Variants in FLYWCH2 observed in about 807,000 individuals in gnomAD.
FLYWCH2 encodes the protein FLYWCH family member 2.
FLYWCH2 carries 2 observed loss-of-function variants against 6.0 expected under a neutral mutation model. That is an observed-to-expected ratio of 0.33 (90% CI 0.14 to 1.04). The LOEUF is 1.04. Ranked by LOEUF, FLYWCH2 falls within the 50% of genes least tolerant of loss-of-function variation. The probability of loss-of-function intolerance (pLI) is 0.45; values close to 1 mark genes in which losing one functional copy is unlikely to be tolerated. For missense variants in FLYWCH2, 192 were observed against 183.4 expected (o/e 1.05, Z -0.27); for synonymous variants, 87 against 79.3 (o/e 1.10, Z -0.52).
At chr16:2,883,661 C>T (rs1195001578) in intron 1 of FLYWCH2, among the ~76,000 whole-genome samples, 1 of 152,256 alleles carries the variant, frequency 6.6e-6, no homozygotes, top group East Asian at 1.9e-4. Flanking sequence ...TTCCCGGCAC[C>T]CCCCAACCCC....
intron 1 of FLYWCH2, among the ~76,000 whole-genome samples, chr16:2,883,753 G>A (rs1263981071): frequency 6.6e-6 from 1 of 152,252 alleles, no homozygotes; most frequent in Non-Finnish European, 1.5e-5. Context: ...ACTGGGGCGG[G>A]GGAGACACTC....
chr16:2,891,652 G>T (rs554059881), intron 1 of FLYWCH2, among the ~76,000 whole-genome samples: 8 of 152,052 alleles, frequency 5.3e-5, no homozygotes, highest in East Asian at 2.0e-4. Flanking sequence ...TGATCCACCC[G>T]CCTTGCCTCC....
chr16:2,898,954 T>C, intron 3 of FLYWCH2, 95 bp from the exon 4 acceptor site: 1 of 903,824 alleles, frequency 1.1e-6, no homozygotes. Flanking sequence ...CATCCACTGG[T>C]TGGGGTGAGA....
chr16:2,889,794 A>G (rs943160191), intron 1 of FLYWCH2, among the ~76,000 whole-genome samples: 4 of 152,176 alleles, frequency 2.6e-5, no homozygotes, highest in African/African-American at 9.7e-5. Context: ...TTGTTGGTAC[A>G]AGACTACAGA....
At chr16:2,886,490 G>T (rs1191893628) in intron 1 of FLYWCH2, among the ~76,000 whole-genome samples, 1 of 146,998 alleles carries the variant, frequency 6.8e-6, no homozygotes, top group Non-Finnish European at 1.5e-5. Flanking sequence ...TTACAGGCAT[G>T]AGCCACCACG....
intron 3 of FLYWCH2, among the ~76,000 whole-genome samples, chr16:2,897,372 A>G (rs1356655675): frequency 6.6e-6 from 1 of 152,142 alleles, no homozygotes; most frequent in East Asian, 1.9e-4. Flanking sequence ...GATACAGCTC[A>G]GGGCTCACAG....
intron 1 of FLYWCH2, among the ~76,000 whole-genome samples, chr16:2,890,009 C>A (rs1042056683): frequency 1.3e-5 from 2 of 152,062 alleles, no homozygotes; most frequent in Non-Finnish European, 2.9e-5. Context: ...CACTTTGAGC[C>A]CATGAGTGTG....
intron 1 of FLYWCH2, among the ~76,000 whole-genome samples, chr16:2,892,988 C>T (rs1763977939): frequency 7.9e-6 from 1 of 126,594 alleles, no homozygotes; most frequent in Non-Finnish European, 1.7e-5. Context: ...TTATATATGT[C>T]ACATATATAC....
rs538392870 is a variant in FLYWCH2 at position 2,896,975 on chromosome 16, C to T, written c.322+204C>T. The T allele has an allele frequency of 2.6e-5, 16 of 608,876 alleles. No homozygotes were observed. The East Asian group carries it at 4.2e-4, about 16-fold the overall frequency. The allele number at this position is 608,876 out of a possible 1,614,324, so 37.7% of individuals were successfully genotyped here. On this transcript the variant is annotated intron_variant, in intron 3 of 3. Coordinates refer to ENST00000396958, the MANE Select transcript of FLYWCH2 (RefSeq NM_138439.3). ...CCAACCCTGCCTCTGAGCGGCCTTG[C>T]CTCTCTGTGTCTGTTCCCCACTCTG... is the stretch of plus-strand genomic sequence containing the variant.
intron 1 of FLYWCH2, among the ~76,000 whole-genome samples, chr16:2,890,220 T>G: frequency 9.5e-6 from 1 of 105,148 alleles, no homozygotes; most frequent in Non-Finnish European, 2.1e-5. Context: ...GTGTGTTTTT[T>G]TGTTTTTGTT....
intron 1 of FLYWCH2, among the ~76,000 whole-genome samples, chr16:2,886,850 T>C (rs1306386239): frequency 6.6e-6 from 1 of 152,106 alleles, no homozygotes; most frequent in African/African-American, 2.4e-5. Context: ...GTTTGTTTGC[T>C]TGTTTATTAC....
intron 1 of FLYWCH2, among the ~76,000 whole-genome samples, chr16:2,891,447 C>G (rs1398636026): frequency 2.0e-5 from 3 of 152,092 alleles, no homozygotes; most frequent in African/African-American, 7.2e-5. Flanking sequence ...CCCTATCGCC[C>G]AGGCTGGAGT....
rs1009477570 is a variant in FLYWCH2 at position 2,891,379 on chromosome 16, TTCTC to T, written c.-199-3831_-199-3828del. Among the ~76,000 whole-genome samples, 39 of 151,402 alleles carry T rather than the reference TTCTC, an allele frequency of 2.6e-4. No individual in the cohort carries two copies. The East Asian group carries it at 2.7e-3, about 11-fold the overall frequency. ...AGGCAGGAGGACCAGAGTGGCAGGG[TTCTC>T]TCTCTCTCTATTTTATTTTTATTTT... is the stretch of plus-strand genomic sequence containing the variant. On this transcript the variant is annotated intron_variant, in intron 1 of 3. Coordinates refer to ENST00000396958, the MANE Select transcript of FLYWCH2 (RefSeq NM_138439.3).
chr16:2,899,016 G>A, intron 3 of FLYWCH2, 33 bp from the exon 4 acceptor site: 2 of 1,575,724 alleles, frequency 1.3e-6, no homozygotes, highest in African/African-American at 1.4e-5. Flanking sequence ...CATCTCCATT[G>A]ACACCAGCCT....
chr16:2,892,470 T>C (rs2069768542), intron 1 of FLYWCH2, among the ~76,000 whole-genome samples: 1 of 149,196 alleles, frequency 6.7e-6, no homozygotes, highest in Non-Finnish European at 1.5e-5. Flanking sequence ...CACTCCAGCC[T>C]GGGAGACAGA....
At position 2,893,636 on chromosome 16, in the gene FLYWCH2, T is replaced by C. The variant is rs941676566; in HGVS notation, c.-199-1584T>C. On this transcript the variant is annotated intron_variant, in intron 1 of 3. Transcript: ENST00000396958. ...CTTTGGGGCCCTTTTCTTTTCTTCTTTTTTTTTTTTTTTTTTTTTGAAACG... is the reference window on the plus strand; with the variant it reads ...CTTTGGGGCCCTTTTCTTTTCTTCTCTTTTTTTTTTTTTTTTTTTGAAACG... Among the ~76,000 whole-genome samples, 110 of 47,324 alleles carry C rather than the reference T, an allele frequency of 2.3e-3. 1 individual carries two copies. The highest frequency in any genetic ancestry group is 9.2e-4 in the Non-Finnish European group (19 of 20,744). 31.0% of individuals were successfully genotyped at this position (47,324 alleles called of 152,430 possible).
chr16:2,895,945 C>T (rs2069814410), intron 2 of FLYWCH2, among the ~76,000 whole-genome samples: 1 of 152,090 alleles, frequency 6.6e-6, no homozygotes, highest in African/African-American at 2.4e-5. Flanking sequence ...TCTCAGTGTC[C>T]TCAACTGTGA....
intron 1 of FLYWCH2, among the ~76,000 whole-genome samples, chr16:2,892,772 A>T (rs2069772205): frequency 6.6e-6 from 1 of 151,408 alleles, no homozygotes; most frequent in Non-Finnish European, 1.5e-5. Flanking sequence ...TGAACCCAGG[A>T]GGTGGAGGTT....
intron 1 of FLYWCH2, among the ~76,000 whole-genome samples, chr16:2,892,179 C>T (rs1368263209): frequency 1.3e-5 from 2 of 148,862 alleles, no homozygotes; most frequent in African/African-American, 2.5e-5. Flanking sequence ...GTGGGAAGAG[C>T]GAGACTTCAT....
Sources: gnomAD v4.1 joint callset for allele counts (sites outside exome capture counted in the v4.1 genomes callset) on GRCh38, gnomAD v4.1.1 for gene constraint, MANE v1.5 for transcripts, NCBI Gene and HGNC (gene_info 2026-07-23, HGNC 2026-07-21) for gene names.